Variants in HAUS8 observed in about 807,000 individuals in gnomAD.
The protein encoded by HAUS8 is HAUS augmin-like complex subunit 8.
In HAUS8, 38 loss-of-function variants were observed where a neutral mutation model predicts 42.9. The observed-to-expected ratio is 0.89, with a 90% confidence interval of 0.68 to 1.16. The LOEUF (loss-of-function observed/expected upper bound fraction) is 1.16. Ranked by LOEUF, HAUS8 falls within the 50% of genes most tolerant of loss-of-function variation. The pLI, the probability that HAUS8 is intolerant of heterozygous loss-of-function variation, is 0.00. For synonymous variants in HAUS8, 199 were observed against 205.8 expected, an observed-to-expected ratio of 0.97 and a Z score of 0.28; for missense variants, 494 against 511.6, an observed-to-expected ratio of 0.97 and a Z score of 0.33.
chr19:17,069,004 G>A (rs1479605698), intron 3 of HAUS8, 27 bp downstream of exon 3: 4 of 1,605,876 alleles, frequency 2.5e-6, no homozygotes, highest in Non-Finnish European at 2.6e-6. Flanking sequence ...CAGAACTGCT[G>A]CAAATGGAAG....
intron 2 of HAUS8, among the ~76,000 whole-genome samples, chr19:17,072,221 C>T (rs537118022): frequency 1.1e-4 from 17 of 152,142 alleles, no homozygotes; most frequent in African/African-American, 3.6e-4. Context: ...AAATCCTGCT[C>T]TAAGCTCGCT....
chr19:17,071,302 A>G (rs1312844699), intron 2 of HAUS8, among the ~76,000 whole-genome samples: 1 of 152,274 alleles, frequency 6.6e-6, no homozygotes, highest in East Asian at 1.9e-4. Flanking sequence ...GTTAACAAGG[A>G]TCCTTCAGTC....
chr19:17,057,022 G>C (rs986511351), intron 8 of HAUS8, among the ~76,000 whole-genome samples: 1 of 152,132 alleles, frequency 6.6e-6, no homozygotes, highest in Non-Finnish European at 1.5e-5. Context: ...TGGGACTATA[G>C]GCATATGCCA....
chr19:17,063,142 T>C (rs2057370604), intron 3 of HAUS8, among the ~76,000 whole-genome samples: 1 of 152,222 alleles, frequency 6.6e-6, no homozygotes, highest in African/African-American at 2.4e-5. Context: ...CAAAAAATAT[T>C]TTTTTAAAGA....
In HAUS8 at chr19:17,062,694, G is replaced by C; in HGVS notation, c.229+4C>G. The C allele has an allele frequency of 6.2e-7, 1 of 1,613,022 alleles. No homozygotes were observed. The highest frequency in any genetic ancestry group is 2.2e-5 in the East Asian group (1 of 44,870). ...ACTGCCCGAGGACCATGGCTGTTTC[G>C]CACCTTTGCTTTTCTGGAGCAGGCT... On this transcript the variant is annotated splice_donor_region_variant and intron_variant, in intron 4 of 10. Transcript: ENST00000253669.
chr19:17,072,140 G>C (rs1243266097), intron 2 of HAUS8, among the ~76,000 whole-genome samples: 1 of 152,106 alleles, frequency 6.6e-6, no homozygotes, highest in East Asian at 1.9e-4. Context: ...TTGGGAATAA[G>C]TGGTCAGGAA....
intron 3 of HAUS8, among the ~76,000 whole-genome samples, chr19:17,068,604 A>C (rs76994203): frequency 2.6e-5 from 4 of 152,006 alleles, no homozygotes; most frequent in African/African-American, 9.7e-5. Context: ...CTGTCTCTAC[A>C]AAAACGTTTA....
intron 6 of HAUS8, among the ~76,000 whole-genome samples, chr19:17,059,327 T>C (rs2123368577): frequency 6.6e-6 from 1 of 152,364 alleles, no homozygotes; most frequent in South Asian, 2.1e-4. Flanking sequence ...AAGTCCCCTG[T>C]CTCATTTTTT....
chr19:17,051,694 G>A (rs1438994544), intron 10 of HAUS8: 2 of 146,540 alleles, frequency 1.4e-5, no homozygotes, highest in Non-Finnish European at 3.0e-5. Context: ...CTGAGACAGG[G>A]TCTCACTCTA....
rs181150681 is a variant in HAUS8 at position 17,054,036 on chromosome 19, C to T, written c.788-1070G>A. 6.6e-5 allele frequency among the ~76,000 whole-genome samples: 10 copies of T among 152,180 alleles called. No homozygotes were observed. In the East Asian group the frequency reaches 1.4e-3, roughly 21 times the overall value. On this transcript the variant is annotated intron_variant, in intron 9 of 10. Coordinates refer to ENST00000253669, the MANE Select transcript of HAUS8 (RefSeq NM_033417.2). ...AGGACGGGCAGAGAATGGAGGGACA[C>T]GGCCATGAGCCAAGGAACGCCAAGG...
In HAUS8 at chr19:17,055,892, G is replaced by A. The variant is rs2057322700; in HGVS notation, c.756C>T (p.Ile252=). 4.3e-6 allele frequency: 7 copies of A among 1,614,032 alleles called. No individual in the cohort carries two copies. Among genetic ancestry groups the A allele is most frequent in the Non-Finnish European group, 5.9e-6 (7 of 1,180,034 alleles). ...TTRHELPVRS[I]HLEGDGQQLL... is the part of the protein sequence containing the mutation. ...GCTGCTGCCCATCTCCCTCCAGGTG[G>A]ATGGACCTCACGGGCAGCTCGTGCC... Residue 252 remains isoleucine, a synonymous_variant, in exon 9 of 11, where the codon ATC becomes ATT. Transcript: ENST00000253669.
intron 1 of HAUS8, chr19:17,073,659 G>A (rs2057442277): frequency 6.3e-6 from 2 of 316,880 alleles, no homozygotes; most frequent in Non-Finnish European, 1.2e-5. Flanking sequence ...CTATATTCCA[G>A]TAGAGACACA....
chr19:17,066,517 T>A (rs1240437899), intron 3 of HAUS8, among the ~76,000 whole-genome samples: 1 of 152,156 alleles, frequency 6.6e-6, no homozygotes, highest in Non-Finnish European at 1.5e-5. Context: ...CAACTTGAAC[T>A]TGGTTGGTCA....
chr19:17,051,692 G>T (rs1353040469), intron 10 of HAUS8: 4 of 135,328 alleles, frequency 3.0e-5, no homozygotes, highest in Non-Finnish European at 6.2e-5. Flanking sequence ...TCCTGAGACA[G>T]GGTCTCACTC....
At chr19:17,066,070 C>T (rs1375070738) in intron 3 of HAUS8, among the ~76,000 whole-genome samples, 1 of 152,040 alleles carries the variant, frequency 6.6e-6, no homozygotes, top group Non-Finnish European at 1.5e-5. Flanking sequence ...ATCTTCCTGC[C>T]TCAGCCTCCC....
At chr19:17,055,836 C>G (rs567896602) in intron 9 of HAUS8, 25 bp downstream of exon 9, 15 of 1,605,944 alleles carry the variant, frequency 9.3e-6, no homozygotes, top group Non-Finnish European at 1.1e-5. Flanking sequence ...CTGCTGCACA[C>G]GCACTGGGAC....
intron 10 of HAUS8, 76 bp from the exon 11 acceptor site, chr19:17,050,252 G>T: frequency 8.7e-7 from 1 of 1,146,504 alleles, no homozygotes; most frequent in Non-Finnish European, 1.2e-6. Context: ...ACGGAGGGCT[G>T]CCACACGGGG....
chr19:17,052,725 TG>T, intron 10 of HAUS8, 99 bp downstream of exon 10: 1 of 1,335,150 alleles, frequency 7.5e-7, no homozygotes, highest in African/African-American at 1.4e-5. Flanking sequence ...GAACCTCCTC[TG>T]AACTCCTAGA....
chr19:17,053,590 G>A (rs8110304), intron 9 of HAUS8: 3,562 of 152,430 alleles, frequency 0.023, 158 homozygotes, highest in African/African-American at 0.083. Flanking sequence ...TTTTGTGGAT[G>A]GGGGGGAGTT....
Sources: allele counts gnomAD v4.1 joint callset (sites outside exome capture counted in the v4.1 genomes callset), GRCh38; gene constraint gnomAD v4.1.1; transcripts MANE v1.5; gene names NCBI Gene and HGNC (gene_info 2026-07-23, HGNC 2026-07-21).